The following IK variants were observed in gnomAD, a reference collection of about 807,000 sequenced individuals.
IK encodes protein Red.
Under a neutral mutation model 90.9 loss-of-function variants are expected in IK, and 47 were observed. The observed-to-expected ratio is 0.52, with a 90% confidence interval of 0.41 to 0.66. IK has a LOEUF of 0.66. IK is among the 30% of genes least tolerant of loss of function. The pLI is 0.00. For missense variants in IK, 385 were observed against 709.3 expected (o/e 0.54, Z 5.19); for synonymous variants, 201 against 227.5 (o/e 0.88, Z 1.05).
At chr5:140,660,025 G>C in intron 14 of IK, 90 bp from the exon 15 acceptor site, 1 of 1,160,146 alleles carries the variant, frequency 8.6e-7, no homozygotes, top group Non-Finnish European at 1.3e-6. Context: ...GAATTTTCAT[G>C]TTGGGGCTTC....
intron 9 of IK, among the ~76,000 whole-genome samples, chr5:140,656,883 C>T (rs1474096386): frequency 6.6e-6 from 1 of 151,914 alleles, no homozygotes; most frequent in Admixed American, 6.6e-5. Flanking sequence ...TTTTTGGTAC[C>T]TATTAACCAC....
At chr5:140,657,792 G>A (rs1561978210) in intron 10 of IK, 130 bp downstream of exon 10, 1 of 623,800 alleles carries the variant, frequency 1.6e-6, no homozygotes, top group Non-Finnish European at 2.9e-6. Flanking sequence ...TGGGAGTACT[G>A]GAGCATTGGC....
intron 2 of IK, among the ~76,000 whole-genome samples, chr5:140,649,812 C>T (rs187753564): frequency 2.1e-3 from 317 of 152,276 alleles, no homozygotes; most frequent in African/African-American, 7.3e-3. Context: ...GGATTACAGG[C>T]GTGAGCCACT....
At position 140,655,894 on chromosome 5, in the gene IK, G is replaced by C; in HGVS notation, c.703G>C (p.Gly235Arg). ...TGAGCGGAATGAGTTGTTCCTGCCG[G>C]GCCGCATGGCCTATGTGGTAGACCT... ...AYERNELFLP[G>R]RMAYVVDLDD... is the part of the protein sequence containing the mutation. Residue 235 changes from glycine (G) to arginine (R), a missense_variant, in exon 9 of 20, where the codon GGC becomes CGC. Physicochemically the swap from Gly to Arg is moderately radical, Grantham distance 125. This residue lies in a region of IK where 46 missense variants were observed against 50.0 expected (regional missense o/e 0.92). Transcript: ENST00000417647. 1 of 1,600,714 alleles carries C rather than the reference G, an allele frequency of 6.2e-7. No individual in the cohort carries two copies. Among genetic ancestry groups the C allele is most frequent in the Middle Eastern group, 1.7e-4 (1 of 6,046 alleles).
At position 140,654,692 on chromosome 5, in the gene IK, A is replaced by G. The variant is rs1463166046; in HGVS notation, c.602A>G (p.Asp201Gly). 1 of 1,603,542 alleles carries G rather than the reference A, an allele frequency of 6.2e-7. No individual in the cohort carries two copies. The highest frequency in any genetic ancestry group is 8.5e-7 in the Non-Finnish European group (1 of 1,172,698). The change falls in exon 8 of 20, where the codon GAT (aspartate) becomes GGT (glycine). Residue 201 changes from aspartate to glycine, a missense_variant. Asp to Gly is a moderately conservative substitution (Grantham distance 94, BLOSUM62 -1). This residue lies in a region of IK where 46 missense variants were observed against 50.0 expected (regional missense o/e 0.92). Coordinates refer to ENST00000417647, the MANE Select transcript of IK (RefSeq NM_006083.4). ...KPQKETKKDE[D>G]PENKIEFKTR... is the part of the protein sequence containing the mutation. ...TTTTGTCTTTTCAGGAAAGATGAGG[A>G]TCCTGAAAATAAAATTGAATTTAAA...
chr5:140,649,319 C>A (rs1198081322), intron 2 of IK, among the ~76,000 whole-genome samples: 1 of 151,566 alleles, frequency 6.6e-6, no homozygotes, highest in Non-Finnish European at 1.5e-5. Context: ...AGCGGTTCTC[C>A]TGCCTCAGCC....
At position 140,658,719 on chromosome 5, in the gene IK, C is replaced by G. The variant is rs762449473; in HGVS notation, c.911-18C>G. On this transcript the variant is annotated intron_variant, in intron 10 of 19. Transcript: ENST00000417647. ...TTAACTGAGGAGTATGTTCCTGACT[C>G]CTCTCTTTAAATTTCAGGGAAGCTG... is the stretch of plus-strand genomic sequence containing the variant. 3 of 1,597,806 alleles carry G rather than the reference C, an allele frequency of 1.9e-6. No homozygotes were observed. Among genetic ancestry groups the G allele is most frequent in the Non-Finnish European group, 2.6e-6 (3 of 1,169,514 alleles).
At chr5:140,660,292 C>CTTTTTTTTTTTT (rs200714869) in intron 15 of IK, 97 bp downstream of exon 15, 3,909 of 282,360 alleles carry the variant, frequency 0.014, 284 homozygotes, top group African/African-American at 0.029. Context: ...AGGGCTACTT[C>CTTTTTTTTTTTT]TTTTTTTTTT....
chr5:140,657,860 G>A (rs1757736287), intron 10 of IK, among the ~76,000 whole-genome samples, 198 bp downstream of exon 10: 1 of 152,168 alleles, frequency 6.6e-6, no homozygotes, highest in Non-Finnish European at 1.5e-5. Flanking sequence ...GCAGTGGTCA[G>A]GTCTGAAGCA....
intron 14 of IK, 74 bp downstream of exon 14, chr5:140,659,908 C>T (rs1378821961): frequency 9.3e-7 from 1 of 1,076,824 alleles, no homozygotes; most frequent in Non-Finnish European, 1.4e-6. Context: ...TGCCTCCCTG[C>T]TCCCTCCTAC....
chr5:140,654,686 A>G lies in IK; in HGVS notation c.596A>G (p.Asp199Gly). 1 of 1,602,974 alleles carries G rather than the reference A, an allele frequency of 6.2e-7. No homozygotes were observed. The highest frequency in any genetic ancestry group is 8.5e-7 in the Non-Finnish European group (1 of 1,172,276). The change falls in exon 8 of 20, where the codon GAT (aspartate) becomes GGT (glycine). Residue 199 changes from aspartate (D) to glycine (G), a missense_variant. Coordinates refer to ENST00000417647, the MANE Select transcript of IK (RefSeq NM_006083.4). ...AAACTTTTTTGTCTTTTCAGGAAAGATGAGGATCCTGAAAATAAAATTGAA... is the reference window on the plus strand; with the variant it reads ...AAACTTTTTTGTCTTTTCAGGAAAGGTGAGGATCCTGAAAATAAAATTGAA... ...MEKPQKETKK[D>G]EDPENKIEFK...
intron 1 of IK, chr5:140,648,169 G>A (rs1289062171): frequency 8.5e-6 from 6 of 706,492 alleles, no homozygotes; most frequent in Admixed American, 2.0e-5. Flanking sequence ...TTTTGTGCGT[G>A]GATCGCTTTC....
chr5:140,654,741 C>T lies in IK; in HGVS notation c.637+14C>T. 1 of 1,524,958 alleles carries T rather than the reference C, an allele frequency of 6.6e-7. No individual in the cohort carries two copies. Among genetic ancestry groups the T allele is most frequent in the Non-Finnish European group, 9.1e-7 (1 of 1,103,438 alleles). 94.5% of individuals were successfully genotyped at this position (1,524,958 alleles called of 1,614,324 possible). On this transcript the variant is annotated intron_variant, in intron 8 of 19. Transcript: ENST00000417647. ...AAACACGTCTGGGTGAGTACAGTTT[C>T]TATACTAGTGACTATGCATTCTGGA...
At chr5:140,651,858 C>G in intron 3 of IK, 52 bp downstream of exon 3, 2 of 1,152,836 alleles carry the variant, frequency 1.7e-6, no homozygotes, top group Non-Finnish European at 1.3e-6. Flanking sequence ...TTGCTCCTTC[C>G]TATTTCTTTC....
intron 2 of IK, among the ~76,000 whole-genome samples, chr5:140,650,815 G>A (rs1211918341): frequency 6.6e-6 from 1 of 152,068 alleles, no homozygotes; most frequent in East Asian, 1.9e-4. Context: ...CTGACCTCGG[G>A]TGATCCGCCT....
chr5:140,660,956 G>T, intron 16 of IK, 141 bp downstream of exon 16: 1 of 639,374 alleles, frequency 1.6e-6, no homozygotes. Context: ...CAGCAGCATT[G>T]AGGGTCATGA....
chr5:140,660,295 T>C (rs1284108951), intron 15 of IK, 100 bp downstream of exon 15: 4 of 227,314 alleles, frequency 1.8e-5, no homozygotes, highest in Non-Finnish European at 3.1e-5. Context: ...GCTACTTCTT[T>C]TTTTTTTTTT....
intron 8 of IK, among the ~76,000 whole-genome samples, 199 bp from the exon 9 acceptor site, chr5:140,655,630 T>C (rs540303451): frequency 3.3e-5 from 5 of 152,366 alleles, no homozygotes; most frequent in African/African-American, 7.2e-5. Context: ...TACATGACTT[T>C]AGGTAAATTA....
Position 140,657,668 on chromosome 5 carries a change from TGG to T in IK, c.910+7_910+8del. The T allele has an allele frequency of 6.3e-7, 1 of 1,580,964 alleles. No homozygotes were observed. The highest frequency in any genetic ancestry group is 1.1e-5 in the South Asian group (1 of 90,104). On this transcript the variant is annotated splice_region_variant and intron_variant, in intron 10 of 19. Transcript: ENST00000417647. ...GCTTAAGAAGAAGGATAAAGGTACC[TGG>T]AGGGTTAGAGAGAGAAGCCTTACCC...
Sources: gnomAD v4.1 joint callset for allele counts (sites outside exome capture counted in the v4.1 genomes callset) on GRCh38, gnomAD v4.1.1 for gene constraint, gnomAD v4.1.1 regional missense constraint, MANE v1.5 for transcripts, NCBI Gene and HGNC (gene_info 2026-07-23, HGNC 2026-07-21) for gene names.